Variants in SLC25A12 observed in about 807,000 individuals in gnomAD.
The protein encoded by SLC25A12 is solute carrier family 25 member 12.
A neutral mutation model predicts 83.3 loss-of-function variants in SLC25A12; 32 were observed. The ratio of observed to expected loss-of-function variants is 0.38; its 90% CI spans 0.29 to 0.52. SLC25A12 has a LOEUF of 0.52. Among genes scored for constraint, SLC25A12 ranks in the 20% least tolerant of loss-of-function variants. The pLI is 0.84. For missense variants in SLC25A12, 611 were observed against 835.6 expected (o/e 0.73, Z 3.31); for synonymous variants, 267 against 291.1 (o/e 0.92, Z 0.84).
At chr2:171,842,747 T>C in intron 5 of SLC25A12, among the ~76,000 whole-genome samples, 1 of 152,198 alleles carries the variant, frequency 6.6e-6, no homozygotes, top group African/African-American at 2.4e-5. Flanking sequence ...GGTTTCTTTT[T>C]GGGATGATAA....
chr2:171,889,493 T>C (rs1203554544), intron 2 of SLC25A12, among the ~76,000 whole-genome samples: 1 of 152,208 alleles, frequency 6.6e-6, no homozygotes, highest in South Asian at 2.1e-4. Context: ...CTACTTCCAA[T>C]CTCTTCATAC....
In SLC25A12 at chr2:171,785,016, C is replaced by T; in HGVS notation, c.*258G>A. 2.3e-6 allele frequency: 1 copy of T among 434,824 alleles called. No individual in the cohort carries two copies. The highest frequency in any genetic ancestry group is 2.1e-5 in the South Asian group (1 of 47,734). 26.9% of individuals were successfully genotyped at this position (434,824 alleles called of 1,614,324 possible). ...CACTGTAAGTGCAAGCTGTGCAAAGCAGAGTCTAGAACACTAATTCATGCC... is the reference window on the plus strand; with the variant it reads ...CACTGTAAGTGCAAGCTGTGCAAAGTAGAGTCTAGAACACTAATTCATGCC... On this transcript the variant is annotated 3_prime_UTR_variant, in exon 18 of 18. Transcript: ENST00000422440.
chr2:171,880,224 A>T (rs1045295264), intron 2 of SLC25A12, among the ~76,000 whole-genome samples: 2 of 152,150 alleles, frequency 1.3e-5, no homozygotes, highest in Non-Finnish European at 2.9e-5. Flanking sequence ...TTTTGTATGA[A>T]TTTTAAAGTT....
chr2:171,820,618 C>T (rs1425024537), intron 9 of SLC25A12, among the ~76,000 whole-genome samples: 2 of 135,638 alleles, frequency 1.5e-5, no homozygotes, highest in Admixed American at 7.4e-5. Context: ...GTCCCAGCTG[C>T]TTGGGAGGCT....
chr2:171,867,353 G>C (rs1222377603), intron 3 of SLC25A12, among the ~76,000 whole-genome samples: 1 of 152,028 alleles, frequency 6.6e-6, no homozygotes, highest in African/African-American at 2.4e-5. Flanking sequence ...ATTGAGCACT[G>C]AGTGAACCAG....
intron 5 of SLC25A12, among the ~76,000 whole-genome samples, chr2:171,842,094 TA>T (rs566949520): frequency 2.1e-3 from 313 of 152,312 alleles, no homozygotes; most frequent in Middle Eastern, 6.8e-3. Flanking sequence ...ATAGCAGCAC[TA>T]TTCACAATAA....
At chr2:171,801,907 CTGTG>C (rs3058854) in intron 13 of SLC25A12, among the ~76,000 whole-genome samples, 36,122 of 145,194 alleles carry the variant, frequency 0.25, 5,025 homozygotes, top group Middle Eastern at 0.35. Flanking sequence ...ATATCTGGAT[CTGTG>C]TGTGTGTGTG....
At chr2:171,872,704 A>C (rs749802174) in intron 2 of SLC25A12, among the ~76,000 whole-genome samples, 13 of 152,202 alleles carry the variant, frequency 8.5e-5, no homozygotes, top group Non-Finnish European at 1.6e-4. Context: ...GGGCCAGGGA[A>C]TGGAGGGAGA....
chr2:171,844,660 A>C (rs749546878), intron 4 of SLC25A12, 152 bp from the exon 5 acceptor site: 3 of 620,304 alleles, frequency 4.8e-6, no homozygotes, highest in Non-Finnish European at 8.5e-6. Flanking sequence ...TGTGCCCAGA[A>C]ACCATGCGCA....
At chr2:171,844,189 A>G (rs1173000150) in intron 5 of SLC25A12, among the ~76,000 whole-genome samples, 180 bp downstream of exon 5, 1 of 152,240 alleles carries the variant, frequency 6.6e-6, no homozygotes, top group Non-Finnish European at 1.5e-5. Flanking sequence ...AATGGAAGTA[A>G]ACACTGAAAG....
chr2:171,880,060 T>C (rs974193055), intron 2 of SLC25A12, among the ~76,000 whole-genome samples: 2 of 152,160 alleles, frequency 1.3e-5, no homozygotes, highest in Admixed American at 6.5e-5. Context: ...AGGAGCTACA[T>C]ACTGAACTAT....
At chr2:171,871,977 CAAAAATA>C (rs1441598649) in intron 2 of SLC25A12, among the ~76,000 whole-genome samples, 2 of 50,106 alleles carry the variant, frequency 4.0e-5, no homozygotes, top group Non-Finnish European at 1.3e-4. Flanking sequence ...TGCTATAGAA[CAAAAATA>C]AAAAGACGTA....
At chr2:171,881,983 A>AT (rs1201136585) in intron 2 of SLC25A12, among the ~76,000 whole-genome samples, 3 of 152,134 alleles carry the variant, frequency 2.0e-5, no homozygotes, top group African/African-American at 7.2e-5. Flanking sequence ...AATTTTGGTT[A>AT]TTTTTTGTCA....
At position 171,808,358 on chromosome 2, in the gene SLC25A12, C is replaced by T. The variant is rs576569897; in HGVS notation, c.1305+1248G>A. 2.7e-5 allele frequency among the ~76,000 whole-genome samples: 4 copies of T among 150,626 alleles called. 1 individual carries two copies. The highest frequency in any genetic ancestry group is 9.8e-5 in the African/African-American group (4 of 40,850). On this transcript the variant is annotated intron_variant, in intron 13 of 17. Coordinates refer to ENST00000422440, the MANE Select transcript of SLC25A12 (RefSeq NM_003705.5). ...CACTTTAAAGACAGAAACCTTTGTGCGCTAAGTAAATATCTGAGTCTCTTG... is the reference window on the plus strand; with the variant it reads ...CACTTTAAAGACAGAAACCTTTGTGTGCTAAGTAAATATCTGAGTCTCTTG...
chr2:171,890,665 C>T (rs1366291216), intron 2 of SLC25A12, among the ~76,000 whole-genome samples: 1 of 152,084 alleles, frequency 6.6e-6, no homozygotes, highest in Non-Finnish European at 1.5e-5. Flanking sequence ...AAATTTTTTG[C>T]AGAGACGAGG....
chr2:171,816,562 A>AT (rs1011290805), intron 9 of SLC25A12, among the ~76,000 whole-genome samples: 28 of 152,028 alleles, frequency 1.8e-4, no homozygotes, highest in African/African-American at 5.5e-4. Context: ...TAAATTTTGT[A>AT]TTTTTTTATT....
intron 13 of SLC25A12, among the ~76,000 whole-genome samples, chr2:171,804,052 T>C (rs1157333341): frequency 6.6e-6 from 1 of 152,196 alleles, no homozygotes; most frequent in African/African-American, 2.4e-5. Flanking sequence ...CATAGCAGCA[T>C]TATTCATAAG....
intron 2 of SLC25A12, 133 bp downstream of exon 2, chr2:171,893,072 G>T: frequency 1.4e-6 from 1 of 691,744 alleles, no homozygotes; most frequent in Non-Finnish European, 2.5e-6. Context: ...AGAAGTATAA[G>T]CTATATTGTC....
intron 13 of SLC25A12, among the ~76,000 whole-genome samples, chr2:171,796,442 A>G (rs1434702675): frequency 6.6e-6 from 1 of 152,186 alleles, no homozygotes; most frequent in Non-Finnish European, 1.5e-5. Context: ...CACATCTGTA[A>G]GTTTGTTTCA....
Sources: gnomAD v4.1 joint callset for allele counts (sites outside exome capture counted in the v4.1 genomes callset) on GRCh38, gnomAD v4.1.1 for gene constraint, MANE v1.5 for transcripts, NCBI Gene and HGNC (gene_info 2026-07-23, HGNC 2026-07-21) for gene names.